FAM168A: variants seen among roughly 807,000 people sequenced by gnomAD.
FAM168A encodes family with sequence similarity 168 member A, also known as protein FAM168A.
Under a neutral mutation model 28.5 loss-of-function variants are expected in FAM168A, and 3 were observed. The ratio of observed to expected loss-of-function variants is 0.11; its 90% CI spans 0.05 to 0.27. The LOEUF is 0.27. Ranked by LOEUF, FAM168A falls within the 10% of genes least tolerant of loss-of-function variation. The pLI is 1.00. For synonymous variants in FAM168A, 122 were observed against 124.2 expected (o/e 0.98, Z 0.12); for missense variants, 222 against 311.5 (o/e 0.71, Z 2.16).
Position 73,500,248 on chromosome 11 carries a change from C to T in FAM168A, c.-18-31756G>A, listed in dbSNP as rs150843984. Among the ~76,000 whole-genome samples the T allele has an allele frequency of 5.9e-3, 882 of 149,478 alleles. 8 individuals carry two copies. The highest frequency in any genetic ancestry group is 0.027 in the Middle Eastern group (8 of 292). On this transcript the variant is annotated intron_variant, in intron 1 of 7. Coordinates refer to ENST00000356467, the MANE Select transcript of FAM168A (RefSeq NM_015159.3). ...TTCTTAAAGACAAGAGTTTACAACC[C>T]AGAATTCCTTTTTTTTTTTTTTTTT...
intron 1 of FAM168A, among the ~76,000 whole-genome samples, chr11:73,475,756 A>G (rs1446898974): frequency 1.3e-5 from 2 of 152,178 alleles, no homozygotes; most frequent in Non-Finnish European, 2.9e-5. Context: ...CCTTATCCCA[A>G]TCCCAAGCTC....
intron 1 of FAM168A, among the ~76,000 whole-genome samples, chr11:73,561,353 G>T (rs1039848432): frequency 1.3e-5 from 2 of 152,006 alleles, no homozygotes; most frequent in Non-Finnish European, 2.9e-5. Context: ...CTCCAGCCTG[G>T]GCAACAAAAG....
chr11:73,557,631 C>T (rs939243735), intron 1 of FAM168A, among the ~76,000 whole-genome samples: 3 of 152,038 alleles, frequency 2.0e-5, no homozygotes, highest in African/African-American at 7.2e-5. Context: ...TATCAAAAGT[C>T]CAAAAACCTC....
chr11:73,491,079 C>T (rs1455185999), intron 1 of FAM168A, among the ~76,000 whole-genome samples: 1 of 152,178 alleles, frequency 6.6e-6, no homozygotes, highest in Non-Finnish European at 1.5e-5. Flanking sequence ...GTTGGCCTCA[C>T]TGAAATTATT....
At chr11:73,466,954 C>G (rs879725659) in intron 2 of FAM168A, among the ~76,000 whole-genome samples, 1 of 151,622 alleles carries the variant, frequency 6.6e-6, no homozygotes, top group African/African-American at 2.4e-5. Flanking sequence ...AAAGTTGGGA[C>G]CTTGGAGGAG....
rs570757122 is a variant in FAM168A at position 73,484,340 on chromosome 11, T to C, written c.-18-15848A>G. 2.0e-5 allele frequency among the ~76,000 whole-genome samples: 3 copies of C among 152,078 alleles called. No individual in the cohort carries two copies. The East Asian group carries it at 5.8e-4, about 29-fold the overall frequency. ...TTTCATAGTCCTTACAAATTTTATATCACATAGTACTCTGTATCATCAGGT... is the reference window on the plus strand; with the variant it reads ...TTTCATAGTCCTTACAAATTTTATACCACATAGTACTCTGTATCATCAGGT... On this transcript the variant is annotated intron_variant, in intron 1 of 7. Transcript: ENST00000356467.
At chr11:73,536,359 A>G (rs572452905) in intron 1 of FAM168A, among the ~76,000 whole-genome samples, 5 of 152,274 alleles carry the variant, frequency 3.3e-5, no homozygotes, top group African/African-American at 1.2e-4. Context: ...GGTGAATCAT[A>G]TCAGGTGAAC....
intron 1 of FAM168A, among the ~76,000 whole-genome samples, chr11:73,557,339 G>A (rs1186235354): frequency 2.0e-5 from 3 of 151,950 alleles, no homozygotes; most frequent in African/African-American, 7.2e-5. Context: ...CTGGGGTAGG[G>A]GAGAAATGAG....
chr11:73,548,420 G>C (rs1164730074), intron 1 of FAM168A, among the ~76,000 whole-genome samples: 1 of 152,118 alleles, frequency 6.6e-6, no homozygotes, highest in African/African-American at 2.4e-5. Flanking sequence ...TTTTATAAAT[G>C]ACAAGGCTCA....
chr11:73,411,312 C>G, intron 5 of FAM168A, 82 bp downstream of exon 5: 1 of 1,469,700 alleles, frequency 6.8e-7, no homozygotes, highest in South Asian at 1.4e-5. Flanking sequence ...CCTTCCCTCA[C>G]TTCCTCACCC....
chr11:73,533,607 A>G (rs1054703260), intron 1 of FAM168A, among the ~76,000 whole-genome samples: 3 of 152,198 alleles, frequency 2.0e-5, no homozygotes, highest in Admixed American at 2.0e-4. Flanking sequence ...TCTAAAAAGC[A>G]TAGTATTCAC....
chr11:73,562,233 A>T (rs1221652322), intron 1 of FAM168A, among the ~76,000 whole-genome samples: 1 of 152,074 alleles, frequency 6.6e-6, no homozygotes, highest in Non-Finnish European at 1.5e-5. Context: ...GAGCCACCGC[A>T]CCCAGCCTAC....
At chr11:73,467,183 T>C (rs546447602) in intron 2 of FAM168A, among the ~76,000 whole-genome samples, 1 of 152,098 alleles carries the variant, frequency 6.6e-6, no homozygotes, top group East Asian at 1.9e-4. Context: ...TAATATTCCT[T>C]GGTGATTAAT....
At chr11:73,470,058 C>T (rs771943316) in intron 1 of FAM168A, among the ~76,000 whole-genome samples, 6 of 151,994 alleles carry the variant, frequency 3.9e-5, no homozygotes, top group East Asian at 1.9e-4. Flanking sequence ...ACTACAGGCA[C>T]GTGCCACCAT....
intron 1 of FAM168A, among the ~76,000 whole-genome samples, chr11:73,509,927 C>T (rs1855186268): frequency 6.6e-6 from 1 of 152,152 alleles, no homozygotes; most frequent in Admixed American, 6.5e-5. Context: ...CAGAGATCCC[C>T]TTTTCACCTT....
chr11:73,569,702 G>A (rs1222170892), intron 1 of FAM168A, among the ~76,000 whole-genome samples: 1 of 151,886 alleles, frequency 6.6e-6, no homozygotes, highest in Admixed American at 6.6e-5. Flanking sequence ...CGCACCTGTG[G>A]TCTCAGCTAC....
At chr11:73,536,648 T>C (rs1943586601) in intron 1 of FAM168A, among the ~76,000 whole-genome samples, 1 of 151,898 alleles carries the variant, frequency 6.6e-6, no homozygotes, top group African/African-American at 2.4e-5. Context: ...GATCATGCCA[T>C]TGCACTCCAG....
chr11:73,590,587 G>A (rs1944369509), intron 1 of FAM168A, among the ~76,000 whole-genome samples: 1 of 152,160 alleles, frequency 6.6e-6, no homozygotes, highest in South Asian at 2.1e-4. Context: ...GGTTTCCTTG[G>A]AGGAGGAGAT....
In FAM168A at chr11:73,469,232, ATGGAAAATCTG is replaced by A. The variant is rs1484324968; in HGVS notation, c.-18-751_-18-741del. Among the ~76,000 whole-genome samples the A allele has an allele frequency of 6.6e-5, 10 of 152,350 alleles. No individual in the cohort carries two copies. The East Asian group carries it at 1.9e-3, about 29-fold the overall frequency. Reference sequence around the variant, plus strand: ...TGAAGCACATTCTCCATTCTGATTAATGGAAAATCTGTCATTAAGCTCTATTAGCCAGCCAA... The same window carrying A: ...TGAAGCACATTCTCCATTCTGATTAATCATTAAGCTCTATTAGCCAGCCAA... On this transcript the variant is annotated intron_variant, in intron 1 of 7. Coordinates refer to ENST00000356467, the MANE Select transcript of FAM168A (RefSeq NM_015159.3).
Sources: gnomAD v4.1 joint callset for allele counts (sites outside exome capture counted in the v4.1 genomes callset) on GRCh38, gnomAD v4.1.1 for gene constraint, MANE v1.5 for transcripts, NCBI Gene and HGNC (gene_info 2026-07-23, HGNC 2026-07-21) for gene names.